PAX9: variants seen among roughly 807,000 people sequenced by gnomAD.
PAX9 encodes the protein paired box protein Pax-9.
A neutral mutation model predicts 29.1 loss-of-function variants in PAX9; 6 were observed. That is an observed-to-expected ratio of 0.21 (90% CI 0.11 to 0.41). The LOEUF is 0.41. Among genes scored for constraint, PAX9 ranks in the 10% least tolerant of loss-of-function variants. PAX9 has a pLI of 1.00. For missense variants in PAX9, 443 were observed against 479.1 expected (o/e 0.92, Z 0.70); for synonymous variants, 217 against 211.7 (o/e 1.03, Z -0.22).
intron 3 of PAX9, among the ~76,000 whole-genome samples, chr14:36,675,320 CAAT>C (rs1881843041): frequency 6.6e-6 from 1 of 152,180 alleles, no homozygotes; most frequent in Admixed American, 6.5e-5. Flanking sequence ...ACGATACCAA[CAAT>C]AATTCACTGG....
Position 36,665,491 on chromosome 14 carries a change from G to T in PAX9, c.632-971G>T, listed in dbSNP as rs1162586507. 2.6e-5 allele frequency among the ~76,000 whole-genome samples: 4 copies of T among 152,138 alleles called. No homozygotes were observed. In the East Asian group the frequency reaches 7.7e-4, roughly 29 times the overall value. ...TAGGACCCAAAGACAAACATACATT[G>T]TTTGTAGCCTTCACATATCTCTTTG... On this transcript the variant is annotated intron_variant, in intron 2 of 3. Transcript: ENST00000361487.
upstream of PAX9, among the ~76,000 whole-genome samples, chr14:36,659,177 C>T (rs1437925568): frequency 6.6e-6 from 1 of 152,232 alleles, no homozygotes; most frequent in African/African-American, 2.4e-5. Context: ...TTCTTCCGAT[C>T]TCTTTGAGAT....
Position 36,663,075 on chromosome 14 carries a change from C to T in PAX9, c.183C>T (p.Asn61=), listed in dbSNP as rs1222366464. The T allele has an allele frequency of 5.0e-6, 8 of 1,613,950 alleles. No homozygotes were observed. The highest frequency in any genetic ancestry group is 1.1e-5 in the South Asian group (1 of 91,090). The stretch of plus-strand genomic sequence containing the variant: ...TCAGCAAGATCCTGGCGCGATACAA[C>T]GAGACGGGCTCGATCTTGCCAGGAG... ...GCVSKILARY[N]ETGSILPGAI... The change falls in exon 2 of 4, where the codon AAC becomes AAT. Residue 61 remains asparagine (N), a synonymous_variant. Coordinates refer to ENST00000361487, the MANE Select transcript of PAX9 (RefSeq NM_001372076.1).
rs556338561 is a variant in PAX9 at position 36,661,960 on chromosome 14, C to T, written c.-130C>T. 304 of 1,134,112 alleles carry T rather than the reference C, an allele frequency of 2.7e-4. No homozygotes were observed. Among genetic ancestry groups the T allele is most frequent in the Admixed American group, 4.8e-4 (24 of 50,314 alleles). 70.3% of individuals were successfully genotyped at this position (1,134,112 alleles called of 1,614,324 possible). ...CTTCTTCCTTTTGCCCTCTCGCCTC[C>T]TCCTCCTGGGAAGAAGCGGAGGCGC... is the stretch of plus-strand genomic sequence containing the variant. On this transcript the variant is annotated 5_prime_UTR_variant, in exon 1 of 4. Coordinates refer to ENST00000361487, the MANE Select transcript of PAX9 (RefSeq NM_001372076.1).
At chr14:36,674,654 T>C (rs1331324738) in intron 3 of PAX9, among the ~76,000 whole-genome samples, 1 of 152,222 alleles carries the variant, frequency 6.6e-6, no homozygotes, top group East Asian at 1.9e-4. Context: ...AACTATATAA[T>C]TCATTAATAC....
rs1485081477 is a variant in PAX9, at chr14:36,663,027, G to C, written c.135G>C (p.Gln45His). Residue 45 changes from glutamine (Q) to histidine (H), a missense_variant, in exon 2 of 4, where the codon CAG becomes CAC. Gln to His is a conservative substitution (Grantham distance 24). Around this residue, in one of 2 missense-constraint regions of PAX9, gnomAD observed 107 missense variants for 161.9 expected, o/e 0.66. Coordinates refer to ENST00000361487, the MANE Select transcript of PAX9 (RefSeq NM_001372076.1). ...LGIRPCDISR[Q>H]LRVSHGCVSK... ...TCCGACCGTGTGACATCAGCCGCCA[G>C]CTACGGGTCTCGCACGGCTGCGTCA... is the stretch of plus-strand genomic sequence containing the variant. 1 of 1,613,864 alleles carries C rather than the reference G, an allele frequency of 6.2e-7. No individual in the cohort carries two copies. The highest frequency in any genetic ancestry group is 1.7e-5 in the Admixed American group (1 of 60,036).
intron 1 of PAX9, 87 bp from the exon 2 acceptor site, chr14:36,662,810 T>A (rs916190670): frequency 5.6e-5 from 85 of 1,520,262 alleles, no homozygotes; most frequent in Non-Finnish European, 7.0e-5. Flanking sequence ...GTTCGCCCAG[T>A]CCCCGGATGC....
In PAX9 at chr14:36,663,592, A is replaced by G. The variant is rs1881377758; in HGVS notation, c.631+69A>G. 12 of 1,585,138 alleles carry G rather than the reference A, an allele frequency of 7.6e-6. No homozygotes were observed. In the South Asian group the frequency reaches 1.2e-4, roughly 16 times the overall value. ...CCCGCACTCTCGCGGAGGTCCCAGT[A>G]TCTGCAGCCTCAGGGACACTGTCTT... On this transcript the variant is annotated intron_variant, in intron 2 of 3. Transcript: ENST00000361487.
Position 36,666,613 on chromosome 14 carries a change from A to T in PAX9, c.771+12A>T. On this transcript the variant is annotated intron_variant, in intron 3 of 3. Coordinates refer to ENST00000361487, the MANE Select transcript of PAX9 (RefSeq NM_001372076.1). ...CCAAGTACGGTCAGGTGAGGAGGCG[A>T]GGGTCAGGCCAGGTGGGCCGCGTGG... 1 of 1,559,872 alleles carries T rather than the reference A, an allele frequency of 6.4e-7. No individual in the cohort carries two copies. Among genetic ancestry groups the T allele is most frequent in the Non-Finnish European group, 8.7e-7 (1 of 1,151,586 alleles).
intron 3 of PAX9, among the ~76,000 whole-genome samples, chr14:36,675,523 C>T (rs1194656608): frequency 6.6e-6 from 1 of 152,198 alleles, no homozygotes; most frequent in Non-Finnish European, 1.5e-5. Flanking sequence ...ATATGCAGTT[C>T]TTTTATATGG....
intron 1 of PAX9, 52 bp from the exon 2 acceptor site, chr14:36,662,845 C>T: frequency 1.1e-5 from 17 of 1,576,374 alleles, no homozygotes; most frequent in Non-Finnish European, 1.4e-5. Context: ...TGGCAGGCAG[C>T]TGTCCCAAGC....
intron 3 of PAX9, 41 bp downstream of exon 3, chr14:36,666,642 C>T (rs1454376607): frequency 2.6e-6 from 4 of 1,552,048 alleles, no homozygotes; most frequent in Admixed American, 3.9e-5. Context: ...CGCGTGGCGG[C>T]GGGGATTTAG....
rs1021069794 is a variant in PAX9 at position 36,676,966 on chromosome 14, C to T, written c.*514C>T. 5.8e-6 allele frequency: 1 copy of T among 172,388 alleles called. No homozygotes were observed. Among genetic ancestry groups the T allele is most frequent in the Non-Finnish European group, 1.3e-5 (1 of 78,942 alleles). 10.7% of individuals were successfully genotyped at this position (172,388 alleles called of 1,614,324 possible). On this transcript the variant is annotated 3_prime_UTR_variant, in exon 4 of 4. Transcript: ENST00000361487. ...CATTAGGAAACAAATCAATAAGTGA[C>T]TTGTTTGAGTGATCCTTTGTTTAAG...
In PAX9 at chr14:36,666,516, G is replaced by C; in HGVS notation, c.686G>C (p.Gly229Ala). 6.2e-7 allele frequency: 1 copy of C among 1,605,224 alleles called. No individual in the cohort carries two copies. Among genetic ancestry groups the C allele is most frequent in the South Asian group, 1.1e-5 (1 of 89,314 alleles). ...SPKVEEWSSLGRNNFPAAAPH... is the reference protein window; with the variant it reads ...SPKVEEWSSLARNNFPAAAPH... ...AAGGTGGAGGAGTGGAGCAGCCTGG[G>C]CCGCAACAACTTCCCCGCCGCCGCC... is the stretch of plus-strand genomic sequence containing the variant. Residue 229 changes from glycine (G) to alanine (A), a missense_variant, in exon 3 of 4, where the codon GGC becomes GCC. Physicochemically the swap from Gly to Ala is moderately conservative, Grantham distance 60. Around this residue, in one of 2 missense-constraint regions of PAX9, gnomAD observed 336 missense variants for 317.2 expected, o/e 1.06. Coordinates refer to ENST00000361487, the MANE Select transcript of PAX9 (RefSeq NM_001372076.1).
At chr14:36,671,139 C>T in intron 3 of PAX9, 1 of 383,738 alleles carries the variant, frequency 2.6e-6, no homozygotes, top group South Asian at 1.9e-5. Context: ...TATTATAAAG[C>T]CAAGGTAAAT....
chr14:36,670,278 A>G (rs887412081), intron 3 of PAX9, among the ~76,000 whole-genome samples: 1 of 152,072 alleles, frequency 6.6e-6, no homozygotes, highest in Non-Finnish European at 1.5e-5. Flanking sequence ...GGCAAGTTTA[A>G]TATAACACTA....
rs1881923436 is a variant in PAX9 at position 36,677,018 on chromosome 14, A to G, written c.*566A>G. 6.1e-6 allele frequency: 1 copy of G among 164,120 alleles called. No homozygotes were observed. The highest frequency in any genetic ancestry group is 1.6e-4 in the South Asian group (1 of 6,312). 10.2% of individuals were successfully genotyped at this position (164,120 alleles called of 1,614,324 possible). A position where few individuals can be genotyped will look rare whatever the true frequency, so the allele number is the denominator to read the frequency against. On this transcript the variant is annotated 3_prime_UTR_variant, in exon 4 of 4. Coordinates refer to ENST00000361487, the MANE Select transcript of PAX9 (RefSeq NM_001372076.1). ...CATGACCTATTTTGTTGAAAAATAT[A>G]TGTAGAACCCAAGCAATATCTGAAT... is the stretch of plus-strand genomic sequence containing the variant.
upstream of PAX9, chr14:36,661,705 G>C (rs1881272774): frequency 2.9e-6 from 1 of 344,552 alleles, no homozygotes; most frequent in Non-Finnish European, 5.3e-6. Context: ...AGTCACCCAG[G>C]TGGGGAGCTA....
chr14:36,674,968 G>A (rs1229402656), intron 3 of PAX9, among the ~76,000 whole-genome samples: 1 of 152,170 alleles, frequency 6.6e-6, no homozygotes, highest in African/African-American at 2.4e-5. Flanking sequence ...TCTCATAGAT[G>A]TAGAAGTGAA....
Sources: gnomAD v4.1 joint callset for allele counts (sites outside exome capture counted in the v4.1 genomes callset) on GRCh38, gnomAD v4.1.1 for gene constraint, gnomAD v4.1.1 regional missense constraint, MANE v1.5 for transcripts, NCBI Gene and HGNC (gene_info 2026-07-23, HGNC 2026-07-21) for gene names.